The following VPS13A variants were observed in gnomAD, a reference collection of about 807,000 sequenced individuals.
VPS13A encodes vacuolar protein sorting 13 homolog A.
In VPS13A, 264 loss-of-function variants were observed where a neutral mutation model predicts 390.9. That is an observed-to-expected ratio of 0.68 (90% confidence interval 0.61 to 0.75). VPS13A has a LOEUF of 0.75. VPS13A is among the 30% of genes least tolerant of loss of function. The pLI is 0.00. For missense variants in VPS13A, 3,409 were observed against 3,733.9 expected (o/e 0.91, Z 2.27); for synonymous variants, 1,231 against 1,227.1 (o/e 1.00, Z -0.07).
chr9:77,315,120 C>T, intron 37 of VPS13A, 133 bp from the exon 38 acceptor site: 1 of 767,498 alleles, frequency 1.3e-6, no homozygotes, highest in African/African-American at 1.7e-5. Flanking sequence ...CTTTATGGAT[C>T]TTCCCAAGAG....
chr9:77,341,350 A>G (rs747186923), intron 50 of VPS13A, among the ~76,000 whole-genome samples: 14 of 152,106 alleles, frequency 9.2e-5, no homozygotes, highest in Non-Finnish European at 2.1e-4. Context: ...AAGAAAAAAA[A>G]GAAAGAAAAA....
intron 1 of VPS13A, among the ~76,000 whole-genome samples, chr9:77,197,626 A>AT (rs893439635): frequency 4.7e-5 from 7 of 149,852 alleles, no homozygotes; most frequent in South Asian, 4.2e-4. Context: ...TGGATTTTGG[A>AT]TTTTTTTTTT....
chr9:77,180,062 A>G (rs1358570110), intron 1 of VPS13A, among the ~76,000 whole-genome samples: 2 of 152,204 alleles, frequency 1.3e-5, no homozygotes, highest in African/African-American at 4.8e-5. Flanking sequence ...AGGGTTGAAT[A>G]ATATTCCATT....
chr9:77,220,968 G>T (rs185847945), intron 12 of VPS13A, among the ~76,000 whole-genome samples: 1 of 152,016 alleles, frequency 6.6e-6, no homozygotes, highest in Non-Finnish European at 1.5e-5. Context: ...TAACAAAATG[G>T]AGTGATTTTG....
chr9:77,202,337 C>A (rs1825378619), intron 3 of VPS13A, among the ~76,000 whole-genome samples: 1 of 152,024 alleles, frequency 6.6e-6, no homozygotes, highest in Non-Finnish European at 1.5e-5. Flanking sequence ...TTAATTTTTT[C>A]ATATTTCTGA....
Position 77,283,340 on chromosome 9 carries a change from A to AT in VPS13A, c.3119-15_3119-14insT. On this transcript the variant is annotated splice_polypyrimidine_tract_variant and intron_variant, in intron 29 of 71. Coordinates refer to ENST00000360280, the MANE Select transcript of VPS13A (RefSeq NM_033305.3). ...GTTTTTCCTCATGTTTTATAATATG[A>AT]ATTTTTTTTTGCAGCTTTAAAACTA... is the stretch of plus-strand genomic sequence containing the variant. 1 of 1,450,418 alleles carries AT rather than the reference A, an allele frequency of 6.9e-7. No homozygotes were observed. The highest frequency in any genetic ancestry group is 9.6e-7 in the Non-Finnish European group (1 of 1,036,324). 89.8% of individuals were successfully genotyped at this position (1,450,418 alleles called of 1,614,324 possible).
At chr9:77,343,819 A>T (rs962562590) in intron 50 of VPS13A, among the ~76,000 whole-genome samples, 1 of 152,188 alleles carries the variant, frequency 6.6e-6, no homozygotes, top group Non-Finnish European at 1.5e-5. Context: ...AAGCCTGATC[A>T]TCTGTGTCCC....
Position 77,340,649 on chromosome 9 carries a change from A to G in VPS13A, c.7026+99A>G, listed in dbSNP as rs528577376. ...CATGTAATGTTTTAACTCTCCCCTT[A>G]CTCCAATTTTGTTTTAGTTTCATGA... On this transcript the variant is annotated intron_variant, in intron 50 of 71. Coordinates refer to ENST00000360280, the MANE Select transcript of VPS13A (RefSeq NM_033305.3). The G allele has an allele frequency of 2.1e-5, 30 of 1,455,438 alleles. No homozygotes were observed. The African/African-American group carries it at 4.1e-4, about 20-fold the overall frequency. The allele number at this position is 1,455,438 out of a possible 1,614,324, so 90.2% of individuals were successfully genotyped here.
chr9:77,187,204 T>C (rs747311969), intron 1 of VPS13A, among the ~76,000 whole-genome samples: 1 of 152,220 alleles, frequency 6.6e-6, no homozygotes, highest in Non-Finnish European at 1.5e-5. Context: ...ATATTTTTCT[T>C]TGAAGTTCAG....
At chr9:77,294,570 G>C (rs1827864917) in intron 32 of VPS13A, among the ~76,000 whole-genome samples, 1 of 152,218 alleles carries the variant, frequency 6.6e-6, no homozygotes. Flanking sequence ...ATTTGGGAAT[G>C]TGGAGCCCTC....
chr9:77,339,922 T>A lies in VPS13A; in HGVS notation c.6774+11T>A. On this transcript the variant is annotated intron_variant, in intron 48 of 71. Coordinates refer to ENST00000360280, the MANE Select transcript of VPS13A (RefSeq NM_033305.3). ...TTTAATAACAATAAGGTATGCGATGTTTATTCTGTTTTTCCCTTGTCTTTA... is the reference window on the plus strand; with the variant it reads ...TTTAATAACAATAAGGTATGCGATGATTATTCTGTTTTTCCCTTGTCTTTA... The A allele has an allele frequency of 6.2e-7, 1 of 1,606,600 alleles. No homozygotes were observed. Among genetic ancestry groups the A allele is most frequent in the Non-Finnish European group, 8.5e-7 (1 of 1,179,594 alleles).
chr9:77,198,772 T>C (rs2131099837), intron 1 of VPS13A, among the ~76,000 whole-genome samples: 1 of 152,308 alleles, frequency 6.6e-6, no homozygotes, highest in East Asian at 1.9e-4. Context: ...CAAGCAATTC[T>C]CCTGCCTTAG....
At chr9:77,333,994 G>A (rs1830413869) in intron 46 of VPS13A, among the ~76,000 whole-genome samples, 2 of 152,152 alleles carry the variant, frequency 1.3e-5, no homozygotes, top group African/African-American at 4.8e-5. Flanking sequence ...GAGAGTTATA[G>A]AAAGTGTTAG....
At chr9:77,376,295 C>A (rs894112288) in intron 67 of VPS13A, among the ~76,000 whole-genome samples, 1 of 152,082 alleles carries the variant, frequency 6.6e-6, no homozygotes, top group African/African-American at 2.4e-5. Context: ...CGGCAAGCCC[C>A]TGTAAGGACT....
intron 34 of VPS13A, among the ~76,000 whole-genome samples, chr9:77,306,971 A>G (rs1828792384): frequency 6.8e-6 from 1 of 146,362 alleles, no homozygotes; most frequent in Non-Finnish European, 1.5e-5. Flanking sequence ...CAGTGGCGCG[A>G]TCTCGGCTCA....
At chr9:77,228,293 T>C (rs1299498737) in intron 17 of VPS13A, 29 bp downstream of exon 17, 3 of 1,550,596 alleles carry the variant, frequency 1.9e-6, no homozygotes, top group Non-Finnish European at 2.6e-6. Context: ...TTTTTTATCA[T>C]ATATGAAAAA....
chr9:77,368,326 TA>T (rs1187250654), intron 62 of VPS13A, among the ~76,000 whole-genome samples, 190 bp downstream of exon 62: 1 of 152,236 alleles, frequency 6.6e-6, no homozygotes, highest in Non-Finnish European at 1.5e-5. Flanking sequence ...TTTGTCCTTA[TA>T]TTTTTTAGCC....
intron 1 of VPS13A, among the ~76,000 whole-genome samples, chr9:77,187,568 GTTGT>G (rs773289628): frequency 2.1e-4 from 31 of 151,142 alleles, no homozygotes; most frequent in African/African-American, 6.3e-4. Context: ...TTTTAATCAG[GTTGT>G]TTGTTTTTTG....
intron 17 of VPS13A, among the ~76,000 whole-genome samples, chr9:77,234,700 T>C (rs1035651052): frequency 6.6e-6 from 1 of 152,214 alleles, no homozygotes; most frequent in African/African-American, 2.4e-5. Context: ...GCCATTTTGC[T>C]ATTTGTTTAT....
Sources: allele counts gnomAD v4.1 joint callset (sites outside exome capture counted in the v4.1 genomes callset), GRCh38; gene constraint gnomAD v4.1.1; transcripts MANE v1.5; gene names NCBI Gene and HGNC (gene_info 2026-07-23, HGNC 2026-07-21).